The following PRRC2B variants were observed in gnomAD, a reference collection of about 807,000 sequenced individuals.
PRRC2B encodes the protein proline rich coiled-coil 2B.
Under a neutral mutation model 242.3 loss-of-function variants are expected in PRRC2B, and 68 were observed. That is an observed-to-expected ratio of 0.28 (90% CI 0.23 to 0.34). PRRC2B has a LOEUF of 0.34. PRRC2B is among the 10% of genes least tolerant of loss of function. The pLI is 1.00. For missense variants in PRRC2B, 2,835 were observed against 2,954.8 expected, an observed-to-expected ratio of 0.96 and a Z score of 0.94; for synonymous variants, 1,228 against 1,173.6, an observed-to-expected ratio of 1.05 and a Z score of -0.95.
chr9:131,430,495 A>ATATCTATAGATATC (rs1203765860), intron 2 of PRRC2B, among the ~76,000 whole-genome samples: 1 of 59,644 alleles, frequency 1.7e-5, no homozygotes, highest in African/African-American at 4.9e-5. Context: ...CTGGGGAGAT[A>ATATCTATAGATATC]TATCTATAGA....
chr9:131,429,528 C>A (rs140749326), intron 1 of PRRC2B, among the ~76,000 whole-genome samples: 5 of 152,250 alleles, frequency 3.3e-5, no homozygotes, highest in African/African-American at 1.2e-4. Context: ...CAGATGTTTT[C>A]TCTCTGGGTA....
rs1442230752 is a variant in PRRC2B, at chr9:131,414,973, A to G, written c.-51-15121A>G. 2.0e-5 allele frequency among the ~76,000 whole-genome samples: 3 copies of G among 151,972 alleles called. No individual in the cohort carries two copies. In the East Asian group the frequency reaches 5.8e-4, roughly 29 times the overall value. Reference sequence around the variant, plus strand: ...TATTTGTATTGGTTGGATAATTTGGACATAATGACAGCAACTGTCTTTTTT... The same window carrying G: ...TATTTGTATTGGTTGGATAATTTGGGCATAATGACAGCAACTGTCTTTTTT... On this transcript the variant is annotated intron_variant, in intron 1 of 31. Transcript: ENST00000683519.
intron 1 of PRRC2B, among the ~76,000 whole-genome samples, chr9:131,426,557 T>G (rs1837982535): frequency 6.6e-6 from 1 of 151,628 alleles, no homozygotes; most frequent in South Asian, 2.1e-4. Flanking sequence ...GGAGGGAGAT[T>G]TAAAATGGCC....
rs777513885 is a variant in PRRC2B at position 131,476,282 on chromosome 9, G to A, written c.4153G>A (p.Glu1385Lys). The A allele has an allele frequency of 3.2e-6, 5 of 1,581,704 alleles. No homozygotes were observed. In the African/African-American group the frequency reaches 4.0e-5, roughly 13 times the overall value. ...ETASESSDFS[E>K]RRERREGPGS... ...GGCCTCCGAAAGCAGCGACTTCAGCGAGCGGCGGGAGCGGCGGGAAGGCCC... is the reference window on the plus strand; with the variant it reads ...GGCCTCCGAAAGCAGCGACTTCAGCAAGCGGCGGGAGCGGCGGGAAGGCCC... The change falls in exon 16 of 32, where the codon GAG becomes AAG. Residue 1385 changes from glutamate (E) to lysine (K), a missense_variant. Around this residue, in one of 7 missense-constraint regions of PRRC2B, gnomAD observed 1,536 missense variants for 1,483.1 expected, o/e 1.04. Coordinates refer to ENST00000683519, the MANE Select transcript of PRRC2B (RefSeq NM_013318.4).
At position 131,404,055 on chromosome 9, in the gene PRRC2B, A is replaced by G. The variant is rs114758720; in HGVS notation, c.-52+9792A>G. On this transcript the variant is annotated intron_variant, in intron 1 of 31. Transcript: ENST00000683519. The stretch of plus-strand genomic sequence containing the variant: ...CTTGGCCTCTGAAAGTGCTAGGATT[A>G]CAGGTGTAAGCCACCACACCCAGCC... Among the ~76,000 whole-genome samples the G allele has an allele frequency of 9.6e-3, 1,463 of 152,210 alleles. 32 individuals carry two copies. The highest frequency in any genetic ancestry group is 0.033 in the African/African-American group (1,385 of 41,516).
chr9:131,421,096 T>C (rs918224622), intron 1 of PRRC2B, among the ~76,000 whole-genome samples: 4 of 152,142 alleles, frequency 2.6e-5, no homozygotes, highest in South Asian at 2.1e-4. Context: ...TCAGGCAGAG[T>C]TGAGCAATTG....
intron 1 of PRRC2B, among the ~76,000 whole-genome samples, chr9:131,420,900 GT>G (rs1373434665): frequency 6.6e-6 from 1 of 152,012 alleles, no homozygotes; most frequent in African/African-American, 2.4e-5. Context: ...AACCCACCTG[GT>G]TCCCCCACCC....
Position 131,447,640 on chromosome 9 carries a change from CCAT to C in PRRC2B, c.978-17_978-15del. The C allele has an allele frequency of 6.4e-7, 1 of 1,567,486 alleles. No homozygotes were observed. On this transcript the variant is annotated intron_variant, in intron 8 of 31. Transcript: ENST00000683519. The stretch of plus-strand genomic sequence containing the variant: ...TTCCGTCTGTATACTGGACATGATT[CCAT>C]CATCTTTTCTTTTATCAGAAAAGAA...
rs1228726552 is a variant in PRRC2B at position 131,482,843 on chromosome 9, G to A, written c.5309G>A (p.Gly1770Glu). ...LQGAVVPPVN[G>E]VEIHVDSVLP... ...GGGGCTGTCGTCCCGCCTGTTAACG[G>A]GGTGGAGATTCACGTGGACTCCGTG... The change falls in exon 22 of 32, where the codon GGG becomes GAG. Residue 1770 changes from glycine to glutamate, a missense_variant. Coordinates refer to ENST00000683519, the MANE Select transcript of PRRC2B (RefSeq NM_013318.4). This position sits in a 1 kb window ranked among gnomAD's most constrained non-coding sequence, Gnocchi z 5.2. 1 of 1,608,760 alleles carries A rather than the reference G, an allele frequency of 6.2e-7. No individual in the cohort carries two copies. Among genetic ancestry groups the A allele is most frequent in the African/African-American group, 1.3e-5 (1 of 74,968 alleles).
At chr9:131,395,984 T>C (rs780706716) in intron 1 of PRRC2B, among the ~76,000 whole-genome samples, 9 of 152,204 alleles carry the variant, frequency 5.9e-5, no homozygotes, top group Non-Finnish European at 1.0e-4. Context: ...AGTGAGTTTC[T>C]ACTTGTTTGG....
chr9:131,416,577 A>G (rs933720184), intron 1 of PRRC2B, among the ~76,000 whole-genome samples: 6 of 152,286 alleles, frequency 3.9e-5, no homozygotes, highest in Middle Eastern at 3.4e-3. Flanking sequence ...ATTATTGACT[A>G]AAGTTTATGC....
chr9:131,466,738 A>G (rs1273487360), intron 12 of PRRC2B, among the ~76,000 whole-genome samples: 1 of 150,130 alleles, frequency 6.7e-6, no homozygotes, highest in Non-Finnish European at 1.5e-5. Context: ...TCTCACCTCA[A>G]CCTCCCATAT....
chr9:131,485,884 G>A (rs142219058), intron 25 of PRRC2B: 6 of 711,424 alleles, frequency 8.4e-6, no homozygotes, highest in African/African-American at 6.9e-5. Context: ...CCCTCCCTAC[G>A]TTCCCTGAGG....
intron 12 of PRRC2B, among the ~76,000 whole-genome samples, chr9:131,467,038 T>G (rs947493216): frequency 6.6e-6 from 1 of 152,080 alleles, no homozygotes; most frequent in Non-Finnish European, 1.5e-5. Flanking sequence ...CCTGACCTCG[T>G]GATCCATCCG....
In PRRC2B at chr9:131,496,738, G is replaced by A. The variant is rs936408257; in HGVS notation, c.*864G>A. Reference sequence around the variant, plus strand: ...AGCATGAGAATCACACAGGGTCCCTGTCCTGGGCTCCTCTAAAGCCAGTGG... The same window carrying A: ...AGCATGAGAATCACACAGGGTCCCTATCCTGGGCTCCTCTAAAGCCAGTGG... On this transcript the variant is annotated 3_prime_UTR_variant, in exon 32 of 32. Coordinates refer to ENST00000683519, the MANE Select transcript of PRRC2B (RefSeq NM_013318.4). 3 of 152,230 alleles carry A rather than the reference G, an allele frequency of 2.0e-5. No homozygotes were observed. The highest frequency in any genetic ancestry group is 1.3e-4 in the Admixed American group (2 of 15,284). The allele number at this position is 152,230 out of a possible 1,614,324, so 9.4% of individuals were successfully genotyped here. A position where few individuals can be genotyped will look rare whatever the true frequency, so the allele number is the denominator to read the frequency against.
intron 1 of PRRC2B, among the ~76,000 whole-genome samples, chr9:131,404,780 T>G (rs1837323206): frequency 6.6e-6 from 1 of 152,248 alleles, no homozygotes; most frequent in African/African-American, 2.4e-5. Flanking sequence ...GAATATTTTG[T>G]GGGTATACTT....
At chr9:131,437,055 C>T (rs1025888517) in intron 4 of PRRC2B, among the ~76,000 whole-genome samples, 16 of 152,062 alleles carry the variant, frequency 1.1e-4, no homozygotes, top group African/African-American at 3.1e-4. Flanking sequence ...GGAAGCGTCA[C>T]GTGAGCTCCA....
chr9:131,415,968 C>T (rs1837637383), intron 1 of PRRC2B, among the ~76,000 whole-genome samples: 1 of 152,076 alleles, frequency 6.6e-6, no homozygotes, highest in African/African-American at 2.4e-5. Context: ...ACCCCACCCC[C>T]ATGTTTCTGG....
At position 131,475,020 on chromosome 9, in the gene PRRC2B, A is replaced by C. The variant is rs765084965; in HGVS notation, c.2891A>C (p.Gln964Pro). The C allele has an allele frequency of 1.9e-6, 3 of 1,606,642 alleles. No individual in the cohort carries two copies. The African/African-American group carries it at 4.0e-5, about 21-fold the overall frequency. The change falls in exon 16 of 32, where the codon CAG becomes CCG. Residue 964 changes from glutamine (Q) to proline (P), a missense_variant. Coordinates refer to ENST00000683519, the MANE Select transcript of PRRC2B (RefSeq NM_013318.4). ...DKEKELEKIK[Q>P]ELGEESTRLA... is the part of the protein sequence containing the mutation. ...GAGAAGGAGCTTGAGAAGATTAAGC[A>C]GGAGCTAGGGGAGGAGAGTACCCGG...
Sources: gnomAD v4.1 joint callset for allele counts (sites outside exome capture counted in the v4.1 genomes callset) on GRCh38, gnomAD v4.1.1 for gene constraint, gnomAD v4.1.1 regional missense constraint, Gnocchi (gnomAD v3.1) non-coding constraint, MANE v1.5 for transcripts, NCBI Gene and HGNC (gene_info 2026-07-23, HGNC 2026-07-21) for gene names.